Variants in PDE1A observed in about 807,000 individuals in gnomAD.
PDE1A encodes the protein dual specificity calcium/calmodulin-dependent 3',5'-cyclic nucleotide phosphodiesterase 1A.
A neutral mutation model predicts 61.7 loss-of-function variants in PDE1A; 35 were observed. The ratio of observed to expected loss-of-function variants is 0.57; its 90% CI spans 0.43 to 0.75. The LOEUF is 0.75. Ranked by LOEUF, PDE1A falls within the 30% of genes least tolerant of loss-of-function variation. The pLI, the probability that PDE1A is intolerant of heterozygous loss-of-function variation, is 0.00. For synonymous variants in PDE1A, 232 were observed against 213.2 expected (o/e 1.09, Z -0.77); for missense variants, 597 against 630.6 (o/e 0.95, Z 0.57).
At chr2:182,607,510 A>G in the PDE1A span, among the ~76,000 whole-genome samples, 1 of 152,172 alleles carries the variant, frequency 6.6e-6, no homozygotes, top group East Asian at 1.9e-4. Context: ...TCAAGGCCCA[A>G]GGTCAGAACT....
chr2:182,652,932 G>T, the PDE1A span, among the ~76,000 whole-genome samples: 1 of 152,078 alleles, frequency 6.6e-6, no homozygotes, highest in Non-Finnish European at 1.5e-5. Flanking sequence ...ACCATGTTAT[G>T]GTCACTGCAA....
chr2:182,358,972 T>TTCCTTCCTTCCTTCCTTCCTTCCTC (rs1699352198), intron 1 of PDE1A, among the ~76,000 whole-genome samples: 1 of 146,366 alleles, frequency 6.8e-6, no homozygotes, highest in African/African-American at 2.5e-5. Context: ...CTTCCTTCCT[T>TTCCTTCCTTCCTTCCTTCCTTCCTC]TCCTTCCTTC....
At chr2:182,573,883 A>T in the PDE1A span, among the ~76,000 whole-genome samples, 1 of 124,288 alleles carries the variant, frequency 8.0e-6, no homozygotes, top group Non-Finnish European at 1.5e-5. Context: ...ATATATATTA[A>T]TATATATACA....
At chr2:182,142,372 G>T (rs539567668), downstream of PDE1A, 1 of 152,254 alleles carries the variant, frequency 6.6e-6, no homozygotes, top group African/African-American at 2.4e-5. Flanking sequence ...ACGGACGCAG[G>T]CTGGTCCACG....
At chr2:182,242,908 C>G (rs1414347593) in intron 2 of PDE1A, among the ~76,000 whole-genome samples, 1 of 103,834 alleles carries the variant, frequency 9.6e-6, no homozygotes, top group Admixed American at 9.1e-5. Flanking sequence ...CCCTCTCTCT[C>G]TCTCTCTCTC....
At chr2:182,705,896 A>C in the PDE1A span, among the ~76,000 whole-genome samples, 2 of 152,254 alleles carry the variant, frequency 1.3e-5, no homozygotes, top group Admixed American at 6.5e-5. Flanking sequence ...TACTGATTTC[A>C]TTATTATGCA....
chr2:182,406,275 T>C (rs1055085229), intron 1 of PDE1A, among the ~76,000 whole-genome samples: 4 of 152,110 alleles, frequency 2.6e-5, no homozygotes, highest in Admixed American at 2.0e-4. Flanking sequence ...AAATTTACTA[T>C]ATTTATTTAG....
At chr2:182,654,381 C>A in the PDE1A span, among the ~76,000 whole-genome samples, 1 of 152,100 alleles carries the variant, frequency 6.6e-6, no homozygotes, top group Non-Finnish European at 1.5e-5. Context: ...CTAACCTCTG[C>A]AATTTCTCCC....
At chr2:182,311,360 G>A (rs1019249445) in intron 1 of PDE1A, among the ~76,000 whole-genome samples, 7 of 152,154 alleles carry the variant, frequency 4.6e-5, no homozygotes, top group African/African-American at 1.7e-4. Flanking sequence ...GTTCATTGAT[G>A]TATAATTTAT....
chr2:182,256,337 T>A (rs1217230941), intron 2 of PDE1A, among the ~76,000 whole-genome samples: 1 of 149,232 alleles, frequency 6.7e-6, no homozygotes, highest in Non-Finnish European at 1.5e-5. Flanking sequence ...TATGCGGTGT[T>A]TGGTTTTTTG....
At chr2:182,233,937 CAA>C (rs34934165) in intron 4 of PDE1A, among the ~76,000 whole-genome samples, 33,566 of 151,980 alleles carry the variant, frequency 0.22, 4,273 homozygotes, top group Middle Eastern at 0.36. Flanking sequence ...AAGCCAAAGA[CAA>C]GAGAGAGAAG....
In PDE1A at chr2:182,173,221, A is replaced by T. The variant is rs1010259211; in HGVS notation, c.1517-4931T>A. On this transcript the variant is annotated intron_variant, in intron 13 of 13. Transcript: ENST00000351439. ...AGACCTTCCTCTGTGAACTGGAGAA[A>T]GGGCATGTTGAACTTTAAAAAAATC... 2.6e-5 allele frequency among the ~76,000 whole-genome samples: 4 copies of T among 152,188 alleles called. No homozygotes were observed. The East Asian group carries it at 7.7e-4, about 29-fold the overall frequency.
At chr2:182,163,688 G>C (rs1355589161), downstream of PDE1A, among the ~76,000 whole-genome samples, 1 of 152,036 alleles carries the variant, frequency 6.6e-6, no homozygotes, top group Non-Finnish European at 1.5e-5. Context: ...ATTCCTAGTG[G>C]ACCTATTTGG....
intron 2 of PDE1A, among the ~76,000 whole-genome samples, chr2:182,262,127 C>T (rs1692258105): frequency 6.6e-6 from 1 of 151,732 alleles, no homozygotes; most frequent in South Asian, 2.1e-4. Flanking sequence ...TTCTTTCTTT[C>T]TCCTTTCTTT....
At chr2:182,252,716 C>T (rs1333769855) in intron 2 of PDE1A, among the ~76,000 whole-genome samples, 3 of 152,154 alleles carry the variant, frequency 2.0e-5, no homozygotes, top group Admixed American at 6.5e-5. Context: ...CAGCTGAATG[C>T]CCCACCCTAT....
At chr2:182,375,468 G>A (rs961280673) in intron 1 of PDE1A, among the ~76,000 whole-genome samples, 2 of 152,182 alleles carry the variant, frequency 1.3e-5, no homozygotes, top group South Asian at 2.1e-4. Context: ...TTGACTCCAG[G>A]TCTTACATCC....
chr2:182,453,332 T>C (rs1312186594), intron 2 of PDE1A, among the ~76,000 whole-genome samples: 1 of 151,914 alleles, frequency 6.6e-6, no homozygotes, highest in African/African-American at 2.4e-5. Context: ...ATTTTTTTTC[T>C]CAGTCCTGGA....
chr2:182,609,600 C>T, the PDE1A span, among the ~76,000 whole-genome samples: 146 of 152,330 alleles, frequency 9.6e-4, 1 homozygote, highest in African/African-American at 3.5e-3. Flanking sequence ...CCATGAAGGT[C>T]TGCAGCTTCA....
chr2:182,315,564 TGAG>T (rs1427796159), intron 1 of PDE1A, among the ~76,000 whole-genome samples: 1 of 152,132 alleles, frequency 6.6e-6, no homozygotes, highest in Non-Finnish European at 1.5e-5. Flanking sequence ...GGGCTCCTTG[TGAG>T]GAGGAGTTGG....
Sources: allele counts gnomAD v4.1 joint callset (sites outside exome capture counted in the v4.1 genomes callset), GRCh38; gene constraint gnomAD v4.1.1; transcripts MANE v1.5; gene names NCBI Gene and HGNC (gene_info 2026-07-23, HGNC 2026-07-21).